USF1: variants seen among roughly 807,000 people sequenced by gnomAD.
USF1 encodes upstream transcription factor 1, also known as upstream stimulatory factor 1.
Under a neutral mutation model 46.3 loss-of-function variants are expected in USF1, and 22 were observed. The observed-to-expected ratio is 0.47, with a 90% confidence interval of 0.34 to 0.68. USF1 has a LOEUF of 0.68. USF1 is among the 30% of genes least tolerant of loss of function. USF1 has a pLI of 0.01. For missense variants in USF1, 287 were observed against 399.3 expected (o/e 0.72, Z 2.40); for synonymous variants, 150 against 147.0 (o/e 1.02, Z -0.15).
chr1:161,045,519 T>TGACCCCGCAGCCCCGC (rs982274997), intron 1 of USF1, among the ~76,000 whole-genome samples: 1 of 152,228 alleles, frequency 6.6e-6, no homozygotes, highest in African/African-American at 2.4e-5. Context: ...GCCTGCGCCG[T>TGACCCCGCAGCCCCGC]GACCCCGCAG....
At chr1:161,044,580 C>G (rs2516838) in intron 1 of USF1, among the ~76,000 whole-genome samples, 41,222 of 152,018 alleles carry the variant, frequency 0.27, 5,902 homozygotes, top group Non-Finnish European at 0.34. Flanking sequence ...CAAGTGGATC[C>G]TCTTCAAGCA....
At chr1:161,041,460 C>T in intron 6 of USF1, 49 bp from the exon 7 acceptor site, 1 of 1,586,980 alleles carries the variant, frequency 6.3e-7, no homozygotes, top group Non-Finnish European at 8.6e-7. Flanking sequence ...AGGAACCTCA[C>T]CAAGCCCTGA....
In USF1 at chr1:161,042,621, G is replaced by A. The variant is rs1163934537; in HGVS notation, c.108C>T (p.Ile36=). ...EDPTSVAIAS[I]QSAATFPDPN... ...GGTCAGGGAAGGTGGCAGCTGACTGGATGCTGGCAATAGCCACACTGGTTG... is the reference window on the plus strand; with the variant it reads ...GGTCAGGGAAGGTGGCAGCTGACTGAATGCTGGCAATAGCCACACTGGTTG... Residue 36 remains isoleucine (I), a synonymous_variant, in exon 4 of 11, where the codon ATC becomes ATT. Transcript: ENST00000368021. 10 of 1,614,124 alleles carry A rather than the reference G, an allele frequency of 6.2e-6. No homozygotes were observed. The Admixed American group carries it at 8.3e-5, about 13-fold the overall frequency.
intron 4 of USF1, 69 bp from the exon 5 acceptor site, chr1:161,042,286 C>T: frequency 6.7e-7 from 1 of 1,488,918 alleles, no homozygotes; most frequent in Non-Finnish European, 9.1e-7. Flanking sequence ...AATCCTAGGG[C>T]CCCTCATAAA....
Position 161,042,742 on chromosome 1 carries a change from G to T in USF1, c.59-72C>A. 6.2e-6 allele frequency: 10 copies of T among 1,610,516 alleles called. No individual in the cohort carries two copies. The South Asian group carries it at 9.9e-5, about 16-fold the overall frequency. ...TACCCCCGTTCCATTTGCATGTCAC[G>T]GAAGGAGGAGGATGCACAGGAGATG... On this transcript the variant is annotated intron_variant, in intron 3 of 10. Transcript: ENST00000368021.
In USF1 at chr1:161,042,633, A is replaced by C; in HGVS notation, c.96T>G (p.Ala32=). ...TGGCAGCTGACTGGATGCTGGCAAT[A>C]GCCACACTGGTTGGGTCTTCCCCAG... ...VATGEDPTSV[A]IASIQSAATF... is the part of the protein sequence containing the mutation. Residue 32 remains alanine, a synonymous_variant, in exon 4 of 11, where the codon GCT becomes GCG. Transcript: ENST00000368021. 1 of 1,614,238 alleles carries C rather than the reference A, an allele frequency of 6.2e-7. No homozygotes were observed. Among genetic ancestry groups the C allele is most frequent in the South Asian group, 1.1e-5 (1 of 91,086 alleles).
In USF1 at chr1:161,043,301, G is replaced by A. The variant is rs1571051132; in HGVS notation, c.-26C>T. On this transcript the variant is annotated 5_prime_UTR_variant, in exon 2 of 11. Transcript: ENST00000368021. ...CTCTCTGTGAGGGGGCACATCCGAG[G>A]AACTGGTCCTTTTTTGGAGGTCTTT... is the stretch of plus-strand genomic sequence containing the variant. 1.2e-6 allele frequency: 2 copies of A among 1,614,180 alleles called. No homozygotes were observed. Among genetic ancestry groups the A allele is most frequent in the East Asian group, 2.2e-5 (1 of 44,886 alleles).
intron 1 of USF1, among the ~76,000 whole-genome samples, chr1:161,044,703 C>T (rs984405103): frequency 7.0e-6 from 1 of 143,770 alleles, no homozygotes; most frequent in Admixed American, 6.9e-5. Context: ...AAAAAAAAAA[C>T]AGGGTTCTGA....
intron 2 of USF1, 142 bp downstream of exon 2, chr1:161,043,126 T>C (rs1211291027): frequency 6.1e-6 from 9 of 1,468,070 alleles, no homozygotes; most frequent in African/African-American, 5.6e-5. Context: ...ATTTTATAGA[T>C]AGAGAAACCA....
intron 6 of USF1, 48 bp from the exon 7 acceptor site, chr1:161,041,459 A>C: frequency 6.3e-7 from 1 of 1,587,816 alleles, no homozygotes; most frequent in Non-Finnish European, 8.6e-7. Context: ...TAGGAACCTC[A>C]CCAAGCCCTG....
chr1:161,041,848 TG>T lies in USF1; in HGVS notation c.277-3del, dbSNP rs1247061825. On this transcript the variant is annotated splice_region_variant and splice_polypyrimidine_tract_variant and intron_variant, in intron 5 of 10. Coordinates refer to ENST00000368021, the MANE Select transcript of USF1 (RefSeq NM_007122.5). ...GGTGAAAGCACCCTGGATCACCGCC[TG>T]GGAAGGGGAGCAAGAAAACTGATTC... 3.1e-6 allele frequency: 5 copies of T among 1,606,472 alleles called. No homozygotes were observed. Among genetic ancestry groups the T allele is most frequent in the Non-Finnish European group, 4.3e-6 (5 of 1,173,894 alleles).
At position 161,041,810 on chromosome 1, in the gene USF1, C is replaced by T. The variant is rs1650575602; in HGVS notation, c.313G>A (p.Val105Ile). ...IQGAFTSDDAVDTEGTAAETH... is the reference protein window; with the variant it reads ...IQGAFTSDDAIDTEGTAAETH... ...TCAGCAGCTGTCCCCTCCGTGTCAACTGCATCATCACTGGTGAAAGCACCC... is the reference window on the plus strand; with the variant it reads ...TCAGCAGCTGTCCCCTCCGTGTCAATTGCATCATCACTGGTGAAAGCACCC... The change falls in exon 6 of 11, where the codon GTT becomes ATT. Residue 105 changes from valine to isoleucine, a missense_variant. Transcript: ENST00000368021. The T allele has an allele frequency of 1.2e-6, 2 of 1,613,812 alleles. No homozygotes were observed. Among genetic ancestry groups the T allele is most frequent in the Non-Finnish European group, 1.7e-6 (2 of 1,179,882 alleles).
intron 6 of USF1, 94 bp from the exon 7 acceptor site, chr1:161,041,505 AT>A (rs1443604035): frequency 2.0e-4 from 305 of 1,493,764 alleles, no homozygotes; most frequent in Non-Finnish European, 2.5e-4. Flanking sequence ...TAAAAAGAAC[AT>A]GCTAATAGAA....
Position 161,040,703 on chromosome 1 carries a change from G to T in USF1, c.620-33C>A. On this transcript the variant is annotated intron_variant, in intron 8 of 10. Coordinates refer to ENST00000368021, the MANE Select transcript of USF1 (RefSeq NM_007122.5). The surrounding 1 kb of genome is among the most constrained non-coding windows in gnomAD (Gnocchi z 4.0). ...GCAAAGTGGAGGACAAGGTGACTCA[G>T]TGAAAACTCGCCACAAGTCCCAGGG... is the stretch of plus-strand genomic sequence containing the variant. 6.2e-7 allele frequency: 1 copy of T among 1,611,428 alleles called. No individual in the cohort carries two copies. Among genetic ancestry groups the T allele is most frequent in the South Asian group, 1.1e-5 (1 of 91,072 alleles).
chr1:161,042,036 G>T, intron 5 of USF1, 80 bp downstream of exon 5: 1 of 1,476,466 alleles, frequency 6.8e-7, no homozygotes, highest in Non-Finnish European at 9.3e-7. Flanking sequence ...ACTGTTCCTA[G>T]CTTCACCCCC....
In USF1 at chr1:161,039,808, T is replaced by G; in HGVS notation, c.*112A>C. ...CAGTTCAAGGACACACCTTCTGAAC[T>G]TCCCCCTGTCCCATGCCAGAAGTGG... On this transcript the variant is annotated 3_prime_UTR_variant, in exon 11 of 11. Transcript: ENST00000368021. The G allele has an allele frequency of 8.9e-7, 1 of 1,122,958 alleles. No individual in the cohort carries two copies. The highest frequency in any genetic ancestry group is 2.9e-4 in the Middle Eastern group (1 of 3,406). The allele number at this position is 1,122,958 out of a possible 1,614,324, so 69.6% of individuals were successfully genotyped here.
chr1:161,043,943 CT>C (rs58205070), intron 1 of USF1, among the ~76,000 whole-genome samples: 56 of 110,278 alleles, frequency 5.1e-4, no homozygotes, highest in Admixed American at 7.0e-4. Context: ...ACATTTCTTT[CT>C]TTTTTTTTTT....
intron 4 of USF1, 89 bp from the exon 5 acceptor site, chr1:161,042,306 G>A (rs1650600168): frequency 2.2e-6 from 3 of 1,351,812 alleles, no homozygotes; most frequent in African/African-American, 2.9e-5. Flanking sequence ...AGCTTCCCTT[G>A]GATAGGGCCC....
rs898464435 is a variant in USF1, at chr1:161,039,658, A to G, written c.*262T>C. 4 of 499,606 alleles carry G rather than the reference A, an allele frequency of 8.0e-6. No homozygotes were observed. The highest frequency in any genetic ancestry group is 1.5e-5 in the Non-Finnish European group (4 of 274,572). 30.9% of individuals were successfully genotyped at this position (499,606 alleles called of 1,614,324 possible). A position where few individuals can be genotyped will look rare whatever the true frequency, so the allele number is the denominator to read the frequency against. On this transcript the variant is annotated 3_prime_UTR_variant, in exon 11 of 11. Coordinates refer to ENST00000368021, the MANE Select transcript of USF1 (RefSeq NM_007122.5). ...TGTGTCCAGTATCCAGCATGGAGAC[A>G]GCACATGCATTGTGCGAGAGGAGCA...
Sources: allele counts gnomAD v4.1 joint callset (sites outside exome capture counted in the v4.1 genomes callset), GRCh38; gene constraint gnomAD v4.1.1; non-coding constraint Gnocchi (gnomAD v3.1); transcripts MANE v1.5; gene names NCBI Gene and HGNC (gene_info 2026-07-23, HGNC 2026-07-21).